TYW1: variants seen among roughly 807,000 people sequenced by gnomAD.
TYW1 encodes the protein tRNA-yW synthesizing protein 1 homolog.
A neutral mutation model predicts 96.2 loss-of-function variants in TYW1; 46 were observed. The ratio of observed to expected loss-of-function variants is 0.48; its 90% CI spans 0.38 to 0.61. TYW1 has a LOEUF of 0.61. Ranked by LOEUF, TYW1 falls within the 20% of genes least tolerant of loss-of-function variation. TYW1 has a pLI of 0.00. For synonymous variants in TYW1, 274 were observed against 323.0 expected (o/e 0.85, Z 1.63); for missense variants, 684 against 909.6 (o/e 0.75, Z 3.19).
chr7:67,088,676 G>C (rs1227160721), intron 11 of TYW1, among the ~76,000 whole-genome samples: 3 of 152,120 alleles, frequency 2.0e-5, no homozygotes, highest in Non-Finnish European at 4.4e-5. Context: ...CAGTCCTCCT[G>C]TCTCAGCCTC....
intron 13 of TYW1, among the ~76,000 whole-genome samples, chr7:67,174,373 A>T (rs562807595): frequency 6.6e-6 from 1 of 151,710 alleles, no homozygotes; most frequent in East Asian, 1.9e-4. Context: ...ATAGGCCAGT[A>T]CTTGATTGCA....
At chr7:67,150,267 C>T (rs537984565) in intron 13 of TYW1, among the ~76,000 whole-genome samples, 1,813 of 152,158 alleles carry the variant, frequency 0.012, 28 homozygotes, top group African/African-American at 0.042. Context: ...TCCTCATAAT[C>T]TCTGAAAGGG....
chr7:67,087,815 G>GT (rs1205630262), intron 11 of TYW1, among the ~76,000 whole-genome samples: 1 of 152,086 alleles, frequency 6.6e-6, no homozygotes, highest in African/African-American at 2.4e-5. Context: ...GGGTCAGCAC[G>GT]TAGGCATAAG....
chr7:67,108,506 A>G (rs992835647), intron 12 of TYW1, among the ~76,000 whole-genome samples: 3 of 151,072 alleles, frequency 2.0e-5, no homozygotes, highest in African/African-American at 4.9e-5. Context: ...CAGTGGTGCA[A>G]TCTTGGCTCA....
intron 2 of TYW1, among the ~76,000 whole-genome samples, chr7:66,998,557 A>G (rs1793272174): frequency 6.6e-6 from 1 of 152,202 alleles, no homozygotes; most frequent in Admixed American, 6.5e-5. Context: ...AATACCTTAT[A>G]GGATAAAAGT....
At chr7:67,036,734 C>A (rs1216468223) in intron 7 of TYW1, among the ~76,000 whole-genome samples, 2 of 152,176 alleles carry the variant, frequency 1.3e-5, no homozygotes, top group Non-Finnish European at 2.9e-5. Flanking sequence ...TTTGAGATGG[C>A]CAAAGAGAAG....
chr7:67,110,074 A>G (rs1158368132), intron 12 of TYW1, among the ~76,000 whole-genome samples: 2 of 152,306 alleles, frequency 1.3e-5, no homozygotes, highest in East Asian at 3.9e-4. Context: ...AAGTGACTCA[A>G]GTTTGTCTGG....
chr7:67,026,458 G>T (rs1461360863), intron 7 of TYW1, among the ~76,000 whole-genome samples: 4 of 152,108 alleles, frequency 2.6e-5, no homozygotes, highest in Non-Finnish European at 5.9e-5. Flanking sequence ...AAGTGGACTC[G>T]AACAAATGGA....
chr7:67,157,021 A>C (rs541972805), intron 13 of TYW1, among the ~76,000 whole-genome samples: 1 of 151,048 alleles, frequency 6.6e-6, no homozygotes, highest in East Asian at 2.0e-4. Context: ...CCTGCCAAAA[A>C]CCCCATATTG....
intron 15 of TYW1, among the ~76,000 whole-genome samples, chr7:67,211,400 A>G (rs555154029): frequency 6.6e-6 from 1 of 152,100 alleles, no homozygotes; most frequent in Non-Finnish European, 1.5e-5. Context: ...TTGACTTATT[A>G]TGGGTTTATC....
chr7:67,090,590 C>G (rs1796682441), intron 11 of TYW1, among the ~76,000 whole-genome samples: 1 of 151,990 alleles, frequency 6.6e-6, no homozygotes, highest in Admixed American at 6.6e-5. Flanking sequence ...ACTTGCTTAA[C>G]CAAAAAACCC....
intron 15 of TYW1, among the ~76,000 whole-genome samples, chr7:67,199,471 G>T (rs9886306): frequency 1.3e-5 from 2 of 151,970 alleles, no homozygotes; most frequent in African/African-American, 4.8e-5. Context: ...GCAGTATCTC[G>T]CTTCTTACCA....
intron 13 of TYW1, among the ~76,000 whole-genome samples, chr7:67,157,655 C>T (rs1202351305): frequency 6.6e-6 from 1 of 152,090 alleles, no homozygotes; most frequent in Non-Finnish European, 1.5e-5. Flanking sequence ...GAACGGATGC[C>T]CCTTTTATAT....
intron 13 of TYW1, among the ~76,000 whole-genome samples, chr7:67,128,510 T>G (rs1316455284): frequency 6.6e-6 from 1 of 152,180 alleles, no homozygotes; most frequent in African/African-American, 2.4e-5. Flanking sequence ...AGAGCCTGGT[T>G]TGGATCCTTG....
At position 67,029,415 on chromosome 7, in the gene TYW1, G is replaced by GTGTGTA. The variant is rs1241213574; in HGVS notation, c.984+4394_984+4395insGTGTAT. On this transcript the variant is annotated intron_variant, in intron 7 of 15. Coordinates refer to ENST00000359626, the MANE Select transcript of TYW1 (RefSeq NM_018264.4). ...TGTGTGTGTGTGTGTGTGTGTGTGT[G>GTGTGTA]TATATATATATATATATAAATAGTA... 5.5e-3 allele frequency among the ~76,000 whole-genome samples: 516 copies of GTGTGTA among 94,350 alleles called. 11 individuals are homozygous for GTGTGTA. The highest frequency in any genetic ancestry group is 6.6e-3 in the Non-Finnish European group (298 of 45,216). The allele number at this position is 94,350 out of a possible 152,430, so 61.9% of individuals were successfully genotyped here.
rs57748332 is a variant in TYW1 at position 67,217,846 on chromosome 7, C to CTTTTT, written c.1978-20439_1978-20435dup. ...AGATAACTTTGGGTAGTGTTGATGT[C>CTTTTT]TTTTTTTTTTTTTTTTTTTTTTTTT... On this transcript the variant is annotated intron_variant, in intron 15 of 15. Coordinates refer to ENST00000359626, the MANE Select transcript of TYW1 (RefSeq NM_018264.4). Among the ~76,000 whole-genome samples, 9 of 69,258 alleles carry CTTTTT rather than the reference C, an allele frequency of 1.3e-4. 1 individual carries two copies. Among genetic ancestry groups the CTTTTT allele is most frequent in the Middle Eastern group, 0.019 (1 of 54 alleles). The allele number at this position is 69,258 out of a possible 152,430, so 45.4% of individuals were successfully genotyped here.
intron 15 of TYW1, among the ~76,000 whole-genome samples, chr7:67,235,643 G>C (rs1160139832): frequency 6.6e-6 from 1 of 152,110 alleles, no homozygotes; most frequent in Non-Finnish European, 1.5e-5. Flanking sequence ...TGTTATCCCA[G>C]CACTTTGGGA....
chr7:67,108,230 A>AT (rs1300127548), intron 12 of TYW1, among the ~76,000 whole-genome samples: 2 of 152,142 alleles, frequency 1.3e-5, no homozygotes, highest in East Asian at 3.9e-4. Context: ...ACATAAAATC[A>AT]TATAACAACT....
At chr7:67,035,968 T>C (rs1053058571) in intron 7 of TYW1, among the ~76,000 whole-genome samples, 1 of 150,540 alleles carries the variant, frequency 6.6e-6, no homozygotes, top group Non-Finnish European at 1.5e-5. Flanking sequence ...TGAGCCACTG[T>C]GCCCGGCCGG....
Sources: gnomAD v4.1 joint callset for allele counts (sites outside exome capture counted in the v4.1 genomes callset) on GRCh38, gnomAD v4.1.1 for gene constraint, MANE v1.5 for transcripts, NCBI Gene and HGNC (gene_info 2026-07-23, HGNC 2026-07-21) for gene names.